The following SMC1B variants were observed in gnomAD, a reference collection of about 807,000 sequenced individuals.
SMC1B encodes structural maintenance of chromosomes 1B.
Under a neutral mutation model 157.9 loss-of-function variants are expected in SMC1B, and 60 were observed. That is an observed-to-expected ratio of 0.38 (90% CI 0.31 to 0.47). The LOEUF (loss-of-function observed/expected upper bound fraction) is 0.47, where lower values mean the gene tolerates loss of function less well. Among genes scored for constraint, SMC1B ranks in the 20% least tolerant of loss-of-function variants. The pLI, the probability that SMC1B is intolerant of heterozygous loss-of-function variation, is 0.99. For missense variants in SMC1B, 1,165 were observed against 1,426.2 expected, an observed-to-expected ratio of 0.82 and a Z score of 2.95; for synonymous variants, 445 against 483.0, an observed-to-expected ratio of 0.92 and a Z score of 1.03.
chr22:45,381,527 AC>A (rs1200407599), intron 12 of SMC1B, among the ~76,000 whole-genome samples: 5 of 152,042 alleles, frequency 3.3e-5, no homozygotes, highest in Non-Finnish European at 7.4e-5. Flanking sequence ...TGTTTAACTT[AC>A]CCCCAGATTC....
chr22:45,383,382 G>T, intron 12 of SMC1B, 85 bp downstream of exon 12: 1 of 895,378 alleles, frequency 1.1e-6, no homozygotes, highest in South Asian at 2.6e-5. Flanking sequence ...CTATAGAATT[G>T]GCACTGTTAT....
chr22:45,376,734 C>G (rs2086887526), intron 12 of SMC1B, among the ~76,000 whole-genome samples: 1 of 150,592 alleles, frequency 6.6e-6, no homozygotes, highest in Admixed American at 6.6e-5. Flanking sequence ...TTTCCTCACA[C>G]AAAACTAGTT....
At chr22:45,353,448 C>T (rs2086635133) in intron 21 of SMC1B, among the ~76,000 whole-genome samples, 1 of 152,122 alleles carries the variant, frequency 6.6e-6, no homozygotes. Flanking sequence ...CCTACATCTT[C>T]ATTTCACATT....
intron 15 of SMC1B, among the ~76,000 whole-genome samples, chr22:45,363,439 T>C (rs2086740793): frequency 6.6e-6 from 1 of 152,210 alleles, no homozygotes. Flanking sequence ...CCCGGCACTT[T>C]GGGAGGCCAA....
chr22:45,349,801 G>A lies in SMC1B; in HGVS notation c.3426-4C>T. On this transcript the variant is annotated splice_region_variant and splice_polypyrimidine_tract_variant and intron_variant, in intron 22 of 24. Coordinates refer to ENST00000357450, the MANE Select transcript of SMC1B (RefSeq NM_148674.5). The stretch of plus-strand genomic sequence containing the variant: ...AAAGAATGGGGCAGGACGAAAACTA[G>A]AAAAAAATTACAATCAAGTAAGTTA... 1 of 1,603,218 alleles carries A rather than the reference G, an allele frequency of 6.2e-7. No homozygotes were observed. Among genetic ancestry groups the A allele is most frequent in the Non-Finnish European group, 8.5e-7 (1 of 1,175,950 alleles).
intron 21 of SMC1B, among the ~76,000 whole-genome samples, 200 bp from the exon 22 acceptor site, chr22:45,352,802 C>T (rs1330998849): frequency 6.6e-6 from 1 of 152,218 alleles, no homozygotes; most frequent in Non-Finnish European, 1.5e-5. Context: ...AGGGAAAACA[C>T]TCTCCTAACA....
chr22:45,353,647 T>G (rs2086637095), intron 21 of SMC1B, among the ~76,000 whole-genome samples: 1 of 152,006 alleles, frequency 6.6e-6, no homozygotes, highest in African/African-American at 2.4e-5. Context: ...AACCAACAGT[T>G]CTATAAAATC....
intron 7 of SMC1B, among the ~76,000 whole-genome samples, 179 bp from the exon 8 acceptor site, chr22:45,394,946 C>CGGTA (rs2087106167): frequency 6.6e-6 from 1 of 152,098 alleles, no homozygotes; most frequent in Non-Finnish European, 1.5e-5. Context: ...GAATCTTTAC[C>CGGTA]ATTTGCTAGA....
rs553166736 is a variant in SMC1B, at chr22:45,344,088, A to G, written c.*468T>C. On this transcript the variant is annotated 3_prime_UTR_variant, in exon 25 of 25. Coordinates refer to ENST00000357450, the MANE Select transcript of SMC1B (RefSeq NM_148674.5). ...TTTGAAATTAGAACATTTTTTATTG[A>G]TATTTTCAATACTAACATAGTTTCT... 6.6e-6 allele frequency: 1 copy of G among 152,404 alleles called. No homozygotes were observed. Among genetic ancestry groups the G allele is most frequent in the South Asian group, 2.1e-4 (1 of 4,828 alleles). 9.4% of individuals were successfully genotyped at this position (152,404 alleles called of 1,614,324 possible).
intron 2 of SMC1B, among the ~76,000 whole-genome samples, chr22:45,407,951 C>T (rs1008048413): frequency 6.6e-6 from 1 of 152,176 alleles, no homozygotes; most frequent in African/African-American, 2.4e-5. Context: ...TATATACACA[C>T]ACACACAAAT....
intron 1 of SMC1B, among the ~76,000 whole-genome samples, chr22:45,412,322 T>A (rs2087348587): frequency 1.3e-5 from 2 of 151,762 alleles, no homozygotes; most frequent in South Asian, 4.2e-4. Flanking sequence ...TGCCTCAGCC[T>A]CCTCAGTAGC....
At chr22:45,352,976 C>G (rs1415268090) in intron 21 of SMC1B, among the ~76,000 whole-genome samples, 1 of 152,114 alleles carries the variant, frequency 6.6e-6, no homozygotes, top group African/African-American at 2.4e-5. Context: ...AGAGATGAAT[C>G]TTGTTTTCAA....
intron 9 of SMC1B, among the ~76,000 whole-genome samples, chr22:45,393,305 G>A (rs982626870): frequency 6.6e-6 from 1 of 152,104 alleles, no homozygotes; most frequent in Non-Finnish European, 1.5e-5. Context: ...CATGAGGTTT[G>A]AGGCTATGTG....
intron 10 of SMC1B, 39 bp downstream of exon 10, chr22:45,389,673 T>A (rs774414705): frequency 6.5e-7 from 1 of 1,545,424 alleles, no homozygotes; most frequent in East Asian, 2.3e-5. Context: ...AAGACAAGAT[T>A]TTTATCACTA....
chr22:45,413,452 C>G lies in SMC1B; in HGVS notation c.109+7G>C. The G allele has an allele frequency of 6.2e-7, 1 of 1,600,490 alleles. No individual in the cohort carries two copies. Among genetic ancestry groups the G allele is most frequent in the Non-Finnish European group, 8.5e-7 (1 of 1,172,914 alleles). On this transcript the variant is annotated splice_region_variant and intron_variant, in intron 1 of 24. Coordinates refer to ENST00000357450, the MANE Select transcript of SMC1B (RefSeq NM_148674.5). The stretch of plus-strand genomic sequence containing the variant: ...CGCTCCGGTGGCGCCCTGAGCTGCT[C>G]AGTTACCAGAGCCGTTGGGGCCGAT...
At chr22:45,364,605 T>G (rs1418895738) in intron 15 of SMC1B, among the ~76,000 whole-genome samples, 1 of 152,076 alleles carries the variant, frequency 6.6e-6, no homozygotes, top group Non-Finnish European at 1.5e-5. Context: ...GACAACAGAA[T>G]CCCTGCTCTT....
At chr22:45,346,527 C>T (rs1029153678) in intron 23 of SMC1B, among the ~76,000 whole-genome samples, 1 of 152,150 alleles carries the variant, frequency 6.6e-6, no homozygotes, top group South Asian at 2.1e-4. Flanking sequence ...TGGGTCTTCT[C>T]CATGTGCACC....
At chr22:45,398,313 T>C (rs1467231950) in intron 6 of SMC1B, among the ~76,000 whole-genome samples, 1 of 152,106 alleles carries the variant, frequency 6.6e-6, no homozygotes, top group East Asian at 1.9e-4. Context: ...TCTGTGCCGG[T>C]ACTTGGAACA....
intron 23 of SMC1B, among the ~76,000 whole-genome samples, chr22:45,348,394 A>C (rs1430144718): frequency 6.6e-6 from 1 of 152,222 alleles, no homozygotes; most frequent in Admixed American, 6.5e-5. Context: ...TCTACCAAAA[A>C]CACAAAAATT....
Sources: allele counts gnomAD v4.1 joint callset (sites outside exome capture counted in the v4.1 genomes callset), GRCh38; gene constraint gnomAD v4.1.1; transcripts MANE v1.5; gene names NCBI Gene and HGNC (gene_info 2026-07-23, HGNC 2026-07-21).